Variants in MAPK10 observed in about 807,000 individuals in gnomAD.
The protein encoded by MAPK10 is JNK3 alpha protein kinase.
MAPK10 carries 25 observed loss-of-function variants against 59.3 expected under a neutral mutation model. The observed-to-expected ratio is 0.42, with a 90% CI of 0.31 to 0.59. The LOEUF is 0.59. MAPK10 is among the 20% of genes least tolerant of loss of function. The probability of loss-of-function intolerance (pLI) is 0.15; values close to 1 mark genes in which losing one functional copy is unlikely to be tolerated. For missense variants in MAPK10, 351 were observed against 568.9 expected (o/e 0.62, Z 3.90); for synonymous variants, 190 against 200.5 (o/e 0.95, Z 0.44).
At chr4:86,394,344 G>C (rs1379005534) in intron 1 of MAPK10, among the ~76,000 whole-genome samples, 1 of 152,026 alleles carries the variant, frequency 6.6e-6, no homozygotes, top group Admixed American at 6.6e-5. Flanking sequence ...ATAAAAATAT[G>C]TCATACTTGA....
intron 1 of MAPK10, among the ~76,000 whole-genome samples, chr4:86,562,317 T>C (rs1760740594): frequency 6.6e-6 from 1 of 151,634 alleles, no homozygotes; most frequent in Admixed American, 6.6e-5. Context: ...GTTAATACTT[T>C]TGGAATAAAG....
chr4:86,036,771 T>C (rs1445596530), intron 11 of MAPK10, among the ~76,000 whole-genome samples: 1 of 152,218 alleles, frequency 6.6e-6, no homozygotes, highest in Admixed American at 6.5e-5. Flanking sequence ...TACAAAATAG[T>C]TCCATTTTAT....
intron 1 of MAPK10, among the ~76,000 whole-genome samples, chr4:86,501,097 G>T: frequency 8.5e-6 from 1 of 117,046 alleles, no homozygotes; most frequent in Non-Finnish European, 1.6e-5. Flanking sequence ...GCAATGATGT[G>T]AAACTCTCTA....
At chr4:86,566,764 T>C (rs2149106604) in intron 1 of MAPK10, among the ~76,000 whole-genome samples, 1 of 151,886 alleles carries the variant, frequency 6.6e-6, no homozygotes, top group South Asian at 2.1e-4. Context: ...ATGTCCTTAA[T>C]TTTTCACTTA....
intron 1 of MAPK10, among the ~76,000 whole-genome samples, chr4:86,530,068 C>CTT (rs199905487): frequency 3.8e-5 from 5 of 132,246 alleles, no homozygotes; most frequent in African/African-American, 1.1e-4. Context: ...TTTGTTTTTC[C>CTT]TTTTTTTTTT....
At chr4:86,391,927 A>G (rs1432688983) in intron 1 of MAPK10, among the ~76,000 whole-genome samples, 1 of 152,222 alleles carries the variant, frequency 6.6e-6, no homozygotes, top group Admixed American at 6.5e-5. Context: ...CCACAGGTTT[A>G]GCAGTACATT....
At chr4:86,427,128 G>A (rs552850267) in intron 1 of MAPK10, among the ~76,000 whole-genome samples, 1 of 151,758 alleles carries the variant, frequency 6.6e-6, no homozygotes, top group Non-Finnish European at 1.5e-5. Context: ...GTGGTGGCAT[G>A]TGCCTGTAAT....
intron 1 of MAPK10, among the ~76,000 whole-genome samples, chr4:86,434,084 G>A (rs1002136589): frequency 5.9e-5 from 9 of 152,024 alleles, no homozygotes; most frequent in Admixed American, 4.6e-4. Flanking sequence ...AAACTTTAAC[G>A]CCATGAATCT....
intron 1 of MAPK10, among the ~76,000 whole-genome samples, chr4:86,371,258 C>T (rs1413653926): frequency 6.6e-6 from 1 of 152,162 alleles, no homozygotes; most frequent in Non-Finnish European, 1.5e-5. Context: ...CTGTTGAAAG[C>T]ATCCTCTGTG....
intron 2 of MAPK10, among the ~76,000 whole-genome samples, chr4:86,293,029 T>A (rs946377135): frequency 6.6e-6 from 1 of 152,228 alleles, no homozygotes; most frequent in Non-Finnish European, 1.5e-5. Flanking sequence ...AATGTTTTTC[T>A]CTCCACATCT....
At chr4:86,089,218 G>A in intron 9 of MAPK10, 1 of 1,611,900 alleles carries the variant, frequency 6.2e-7, no homozygotes. Context: ...TCAGTGCCAG[G>A]AAACAGCACT....
At chr4:86,579,859 G>T (rs1762144224) in intron 1 of MAPK10, among the ~76,000 whole-genome samples, 1 of 152,064 alleles carries the variant, frequency 6.6e-6, no homozygotes, top group South Asian at 2.1e-4. Flanking sequence ...TGTCACCCAG[G>T]CTGGAGTGCA....
intron 2 of MAPK10, among the ~76,000 whole-genome samples, chr4:86,237,377 G>C (rs574124545): frequency 2.6e-5 from 4 of 152,144 alleles, no homozygotes; most frequent in Admixed American, 6.6e-5. Flanking sequence ...ACCCAGTAAT[G>C]AGATTGCTGG....
intron 12 of MAPK10, among the ~76,000 whole-genome samples, chr4:86,029,862 C>T (rs556535225): frequency 4.2e-4 from 63 of 151,744 alleles, no homozygotes; most frequent in Non-Finnish European, 7.8e-4. Context: ...CTAAACTTGC[C>T]AAAAACCAAA....
At chr4:86,570,813 G>A (rs56295443) in intron 1 of MAPK10, among the ~76,000 whole-genome samples, 10 of 152,244 alleles carry the variant, frequency 6.6e-5, no homozygotes, top group Non-Finnish European at 8.8e-5. Context: ...AGGAGTTAAC[G>A]AAACAAGGGG....
chr4:86,107,378 AAT>A (rs1434998262), intron 4 of MAPK10, 26 bp from the exon 5 acceptor site: 5 of 1,593,856 alleles, frequency 3.1e-6, no homozygotes, highest in Middle Eastern at 1.7e-4. Context: ...AGCAACTCAG[AAT>A]TAAGAACAAA....
At chr4:86,180,267 C>G (rs958476173) in intron 3 of MAPK10, among the ~76,000 whole-genome samples, 3 of 151,846 alleles carry the variant, frequency 2.0e-5, no homozygotes, top group Admixed American at 1.3e-4. Flanking sequence ...AACTACAAAT[C>G]AAAACCACAT....
chr4:86,542,307 T>C (rs1758773771), intron 1 of MAPK10, among the ~76,000 whole-genome samples: 1 of 152,046 alleles, frequency 6.6e-6, no homozygotes, highest in Non-Finnish European at 1.5e-5. Flanking sequence ...AGGCCAGGAG[T>C]TCAGAGACCA....
intron 9 of MAPK10, among the ~76,000 whole-genome samples, chr4:86,095,874 G>A (rs562826654): frequency 6.6e-6 from 1 of 151,818 alleles, no homozygotes; most frequent in South Asian, 2.1e-4. Context: ...ATAGGTAAAA[G>A]GGGCTAAGAA....
Sources: allele counts gnomAD v4.1 joint callset (sites outside exome capture counted in the v4.1 genomes callset), GRCh38; gene constraint gnomAD v4.1.1; transcripts MANE v1.5; gene names NCBI Gene and HGNC (gene_info 2026-07-23, HGNC 2026-07-21).